The following TWSG1 variants were observed in gnomAD, a reference collection of about 807,000 sequenced individuals.
The protein encoded by TWSG1 is twisted gastrulation protein homolog 1.
In TWSG1, 15 loss-of-function variants were observed where a neutral mutation model predicts 23.0. That is an observed-to-expected ratio of 0.65 (90% CI 0.44 to 1.00). The LOEUF is 1.00. Ranked by LOEUF, TWSG1 falls within the 50% of genes least tolerant of loss-of-function variation. The pLI, the probability that TWSG1 is intolerant of heterozygous loss-of-function variation, is 0.00. For synonymous variants in TWSG1, 86 were observed against 92.8 expected, an observed-to-expected ratio of 0.93 and a Z score of 0.42; for missense variants, 242 against 278.7, an observed-to-expected ratio of 0.87 and a Z score of 0.94.
At chr18:9,391,385 A>G (rs1749002837) in intron 3 of TWSG1, among the ~76,000 whole-genome samples, 1 of 152,266 alleles carries the variant, frequency 6.6e-6, no homozygotes, top group Admixed American at 6.5e-5. Flanking sequence ...TGATAGTTTA[A>G]CATCCTCCCA....
At chr18:9,385,022 A>ACATAC (rs772769294) in intron 3 of TWSG1, among the ~76,000 whole-genome samples, 11 of 152,158 alleles carry the variant, frequency 7.2e-5, no homozygotes, top group African/African-American at 1.9e-4. Context: ...TTATGGTGAG[A>ACATAC]GTATGAGTGA....
At chr18:9,356,959 C>T (rs1254593839) in intron 2 of TWSG1, among the ~76,000 whole-genome samples, 2 of 135,500 alleles carry the variant, frequency 1.5e-5, no homozygotes, top group African/African-American at 5.5e-5. Flanking sequence ...TAAGTGCTAA[C>T]CTTTATAAAT....
intron 3 of TWSG1, among the ~76,000 whole-genome samples, chr18:9,389,264 C>G (rs1005319102): frequency 1.1e-4 from 17 of 152,212 alleles, no homozygotes; most frequent in African/African-American, 3.9e-4. Flanking sequence ...GTGTGAACCA[C>G]TGCACCCGGC....
At chr18:9,395,361 A>C (rs2040729838) in intron 3 of TWSG1, among the ~76,000 whole-genome samples, 2 of 152,200 alleles carry the variant, frequency 1.3e-5, no homozygotes. Context: ...AGAATACATC[A>C]GTATATTCTT....
chr18:9,373,732 A>G lies in TWSG1; in HGVS notation c.223+13661A>G, dbSNP rs555451484. ...TCTATTGACTATTTCATTCCACAAC[A>G]GCAGAATATCCAAGCATGTAAGCTT... On this transcript the variant is annotated intron_variant, in intron 3 of 4. Coordinates refer to ENST00000262120, the MANE Select transcript of TWSG1 (RefSeq NM_020648.6). Among the ~76,000 whole-genome samples, 7 of 152,356 alleles carry G rather than the reference A, an allele frequency of 4.6e-5. No individual in the cohort carries two copies. In the East Asian group the frequency reaches 9.6e-4, roughly 21 times the overall value.
At chr18:9,397,174 T>G (rs7229150) in intron 4 of TWSG1, 19,034 of 152,470 alleles carry the variant, frequency 0.12, 1,355 homozygotes, top group Middle Eastern at 0.27. Flanking sequence ...ATTCTGGTAT[T>G]TATTTGTGCT....
chr18:9,399,469 G>A lies in TWSG1; in HGVS notation c.614G>A (p.Gly205Asp). 6.2e-7 allele frequency: 1 copy of A among 1,613,972 alleles called. No individual in the cohort carries two copies. Among genetic ancestry groups the A allele is most frequent in the East Asian group, 2.2e-5 (1 of 44,866 alleles). Residue 205 changes from glycine (G) to aspartate (D), a missense_variant, in exon 5 of 5, where the codon GGT (glycine) becomes GAT (aspartate). Physicochemically the swap from Gly to Asp is moderately conservative, Grantham distance 94. Coordinates refer to ENST00000262120, the MANE Select transcript of TWSG1 (RefSeq NM_020648.6). ...CATAATGCCTGCTGCGAGTGCATTG[G>A]TCCAGAATGTATTGACTATGGTAGT... ...WFHNACCECIGPECIDYGSKT... is the reference protein window; with the variant it reads ...WFHNACCECIDPECIDYGSKT...
At chr18:9,387,182 T>TATATATA (rs2040688559) in intron 3 of TWSG1, among the ~76,000 whole-genome samples, 1 of 152,120 alleles carries the variant, frequency 6.6e-6, no homozygotes, top group Non-Finnish European at 1.5e-5. Context: ...TTCAAGCATA[T>TATATATA]CATTGAGAAG....
At chr18:9,379,153 C>T (rs1045993837) in intron 3 of TWSG1, among the ~76,000 whole-genome samples, 6 of 152,096 alleles carry the variant, frequency 3.9e-5, no homozygotes, top group African/African-American at 1.2e-4. Flanking sequence ...ACCATTTGAC[C>T]CAGCAGTCCC....
chr18:9,374,431 G>A (rs893764226), intron 3 of TWSG1, among the ~76,000 whole-genome samples: 3 of 152,174 alleles, frequency 2.0e-5, no homozygotes, highest in Admixed American at 2.0e-4. Context: ...TAACCTAGGT[G>A]AAATGGACCA....
At chr18:9,380,772 T>TATAAATATG (rs1479198326) in intron 3 of TWSG1, among the ~76,000 whole-genome samples, 1 of 152,216 alleles carries the variant, frequency 6.6e-6, no homozygotes, top group African/African-American at 2.4e-5. Flanking sequence ...AGAGGCATCG[T>TATAAATATG]ATAAATATGA....
At chr18:9,374,251 G>GT (rs2040618882) in intron 3 of TWSG1, among the ~76,000 whole-genome samples, 1 of 151,816 alleles carries the variant, frequency 6.6e-6, no homozygotes, top group Non-Finnish European at 1.5e-5. Flanking sequence ...ATCAAAAGCT[G>GT]TTTTTTTCAA....
intron 3 of TWSG1, among the ~76,000 whole-genome samples, chr18:9,394,099 C>T (rs755404781): frequency 6.6e-6 from 1 of 152,146 alleles, no homozygotes; most frequent in Admixed American, 6.5e-5. Flanking sequence ...GACATCTGCA[C>T]CTCTGTGTTT....
chr18:9,380,824 A>G (rs939963508), intron 3 of TWSG1, among the ~76,000 whole-genome samples: 1 of 152,168 alleles, frequency 6.6e-6, no homozygotes, highest in African/African-American at 2.4e-5. Context: ...TTTTATGTTT[A>G]TCAAAACAGA....
intron 2 of TWSG1, among the ~76,000 whole-genome samples, chr18:9,354,479 C>A (rs542214663): frequency 6.6e-6 from 1 of 152,212 alleles, no homozygotes; most frequent in Admixed American, 6.5e-5. Context: ...ATATAAATAA[C>A]CCAGTCCAAA....
intron 3 of TWSG1, among the ~76,000 whole-genome samples, chr18:9,366,984 G>A (rs1233165165): frequency 6.6e-6 from 1 of 152,172 alleles, no homozygotes; most frequent in East Asian, 1.9e-4. Context: ...TAGGGTCTCT[G>A]TCACCCAGGC....
At chr18:9,387,455 C>A (rs1247809636) in intron 3 of TWSG1, among the ~76,000 whole-genome samples, 1 of 152,002 alleles carries the variant, frequency 6.6e-6, no homozygotes, top group South Asian at 2.1e-4. Flanking sequence ...TTTTTTATTT[C>A]TTTGCTAAAG....
intron 2 of TWSG1, among the ~76,000 whole-genome samples, chr18:9,346,272 C>T (rs577410184): frequency 6.6e-6 from 1 of 152,294 alleles, no homozygotes; most frequent in African/African-American, 2.4e-5. Context: ...GCTTCTTTGA[C>T]TTAGCAGTAT....
At chr18:9,348,747 A>G (rs2040488415) in intron 2 of TWSG1, among the ~76,000 whole-genome samples, 1 of 152,238 alleles carries the variant, frequency 6.6e-6, no homozygotes, top group Non-Finnish European at 1.5e-5. Context: ...ATGCAATGCT[A>G]TAAAAGTTTA....
Sources: allele counts gnomAD v4.1 joint callset (sites outside exome capture counted in the v4.1 genomes callset), GRCh38; gene constraint gnomAD v4.1.1; transcripts MANE v1.5; gene names NCBI Gene and HGNC (gene_info 2026-07-23, HGNC 2026-07-21).